HAPSTR1: variants seen among roughly 807,000 people sequenced by gnomAD.
HAPSTR1 encodes HUWE1-associated protein modifying stress responses 1.
At chr16:9,091,991 C>T in the HAPSTR1 span, 1 of 1,422,712 alleles carries the variant, frequency 7.0e-7, no homozygotes, top group Non-Finnish European at 9.3e-7. Context: ...GCGGGGGCCC[C>T]GCCTGAGGAG....
At chr16:9,093,386 G>T in the HAPSTR1 span, among the ~76,000 whole-genome samples, 1 of 152,174 alleles carries the variant, frequency 6.6e-6, no homozygotes, top group African/African-American at 2.4e-5. Context: ...GCTGGAAGAC[G>T]GCTGAGCCTT....
At chr16:9,099,412 C>T in the HAPSTR1 span, among the ~76,000 whole-genome samples, 1 of 152,130 alleles carries the variant, frequency 6.6e-6, no homozygotes, top group Non-Finnish European at 1.5e-5. Flanking sequence ...ACGCTGATCT[C>T]GAACTCCTGG....
the HAPSTR1 span, chr16:9,106,344 TGTA>T: frequency 7.2e-6 from 1 of 139,618 alleles, no homozygotes; most frequent in Non-Finnish European, 1.6e-5. Flanking sequence ...CAGGCTGGAG[TGTA>T]GTGCTCACTG....
the HAPSTR1 span, chr16:9,092,911 TG>T: frequency 6.3e-7 from 1 of 1,574,830 alleles, no homozygotes; most frequent in Admixed American, 1.9e-5. Flanking sequence ...TTTTTTGGCT[TG>T]CTTTTCAGAC....
chr16:9,097,943 A>C, the HAPSTR1 span, among the ~76,000 whole-genome samples: 1 of 152,216 alleles, frequency 6.6e-6, no homozygotes, highest in Non-Finnish European at 1.5e-5. Flanking sequence ...CTTCTCTCGA[A>C]ACATGGTTGC....
chr16:9,115,033 G>T, the HAPSTR1 span, among the ~76,000 whole-genome samples: 3 of 152,180 alleles, frequency 2.0e-5, no homozygotes, highest in African/African-American at 7.2e-5. Context: ...CAGCCAGGGG[G>T]ATTGGTTGGA....
chr16:9,102,402 T>C, the HAPSTR1 span, among the ~76,000 whole-genome samples: 2 of 152,254 alleles, frequency 1.3e-5, no homozygotes, highest in Admixed American at 1.3e-4. Flanking sequence ...CTGTTGGGAA[T>C]GGTTGAGTTA....
chr16:9,092,638 CG>C, the HAPSTR1 span, among the ~76,000 whole-genome samples: 1 of 150,910 alleles, frequency 6.6e-6, no homozygotes, highest in Non-Finnish European at 1.5e-5. Context: ...GAGCCGGCCT[CG>C]GGGCGGGGAC....
the HAPSTR1 span, among the ~76,000 whole-genome samples, chr16:9,113,429 A>C: frequency 6.6e-6 from 1 of 152,148 alleles, no homozygotes; most frequent in African/African-American, 2.4e-5. Flanking sequence ...TTTCATGGAG[A>C]ATGGCAGCTG....
At chr16:9,116,360 C>T in the HAPSTR1 span, among the ~76,000 whole-genome samples, 3 of 152,310 alleles carry the variant, frequency 2.0e-5, no homozygotes, top group South Asian at 2.1e-4. Context: ...AAATTTTGTG[C>T]AGTACCTACC....
chr16:9,102,677 T>C, the HAPSTR1 span, among the ~76,000 whole-genome samples: 2 of 152,202 alleles, frequency 1.3e-5, no homozygotes, highest in African/African-American at 4.8e-5. Context: ...TGTTGAATGA[T>C]GTGATGCAAG....
chr16:9,118,039 G>T, the HAPSTR1 span: 1 of 152,612 alleles, frequency 6.6e-6, no homozygotes, highest in Admixed American at 6.5e-5. Flanking sequence ...CTGTTAGGTA[G>T]ACCTAAATAA....
the HAPSTR1 span, among the ~76,000 whole-genome samples, chr16:9,096,497 T>C: frequency 6.6e-6 from 1 of 152,208 alleles, no homozygotes; most frequent in Non-Finnish European, 1.5e-5. Context: ...TGCCAAGCCC[T>C]CTTTATATGT....
At chr16:9,113,786 C>A in the HAPSTR1 span, among the ~76,000 whole-genome samples, 1 of 152,124 alleles carries the variant, frequency 6.6e-6, no homozygotes, top group South Asian at 2.1e-4. Flanking sequence ...ACATCTCTCC[C>A]CTCAAGTTTA....
the HAPSTR1 span, chr16:9,107,979 AC>A: frequency 6.6e-6 from 1 of 152,052 alleles, no homozygotes; most frequent in African/African-American, 2.4e-5. Flanking sequence ...CACAGTGGGG[AC>A]CCAGAACCTC....
chr16:9,096,979 G>C, the HAPSTR1 span, among the ~76,000 whole-genome samples: 1 of 151,894 alleles, frequency 6.6e-6, no homozygotes, highest in African/African-American at 2.4e-5. Flanking sequence ...TCTCGCTCTT[G>C]TCCCCCAGGC....
the HAPSTR1 span, chr16:9,091,914 C>T: frequency 6.9e-6 from 5 of 725,332 alleles, no homozygotes; most frequent in Admixed American, 8.8e-5. Context: ...AGGCCTGGGC[C>T]GCTGAAAGGA....
At chr16:9,103,340 T>C in the HAPSTR1 span, 5 of 1,424,418 alleles carry the variant, frequency 3.5e-6, no homozygotes, top group Non-Finnish European at 4.7e-6. Context: ...TAGGTTTAGG[T>C]CCAGATATAC....
the HAPSTR1 span, chr16:9,118,433 A>G: frequency 1.3e-5 from 2 of 152,636 alleles, no homozygotes; most frequent in African/African-American, 4.8e-5. Context: ...TTAACCATAA[A>G]TGTTCATTCA....
Sources: gnomAD v4.1 joint callset for allele counts (sites outside exome capture counted in the v4.1 genomes callset) on GRCh38, gnomAD v4.1.1 for gene constraint, MANE v1.5 for transcripts, NCBI Gene and HGNC (gene_info 2026-07-23, HGNC 2026-07-21) for gene names.